Variants in GALNT13 observed in about 807,000 individuals in gnomAD.
GALNT13 encodes polypeptide N-acetylgalactosaminyltransferase 13, also known as UDP-GalNAc:polypeptide N-acetylgalactosaminyltransferase 13.
A neutral mutation model predicts 64.2 loss-of-function variants in GALNT13; 28 were observed. That is an observed-to-expected ratio of 0.44 (90% confidence interval 0.32 to 0.60). GALNT13 has a LOEUF of 0.60. Among genes scored for constraint, GALNT13 ranks in the 20% least tolerant of loss-of-function variants. The pLI, the probability that GALNT13 is intolerant of heterozygous loss-of-function variation, is 0.05. For synonymous variants in GALNT13, 214 were observed against 224.6 expected, an observed-to-expected ratio of 0.95 and a Z score of 0.42; for missense variants, 577 against 669.8, an observed-to-expected ratio of 0.86 and a Z score of 1.53.
At chr2:153,346,890 G>A in the GALNT13 span, among the ~76,000 whole-genome samples, 1 of 152,134 alleles carries the variant, frequency 6.6e-6, no homozygotes, top group Non-Finnish European at 1.5e-5. Context: ...AGGGAACTGA[G>A]GCTTATAAAT....
intron 3 of GALNT13, among the ~76,000 whole-genome samples, chr2:153,948,140 C>T (rs1691905284): frequency 6.6e-6 from 1 of 151,664 alleles, no homozygotes. Context: ...GTTCTTTTTG[C>T]TTAGGATTGC....
At chr2:153,551,767 G>C in the GALNT13 span, among the ~76,000 whole-genome samples, 1 of 152,208 alleles carries the variant, frequency 6.6e-6, no homozygotes, top group South Asian at 2.1e-4. Flanking sequence ...CTATGTCAGA[G>C]CATAGATGTT....
the GALNT13 span, among the ~76,000 whole-genome samples, chr2:153,712,594 A>T: frequency 6.6e-6 from 1 of 152,154 alleles, no homozygotes; most frequent in Non-Finnish European, 1.5e-5. Context: ...TTGCCTGGTG[A>T]TCTGTGTTAA....
intron 12 of GALNT13, chr2:154,445,897 A>G (rs1190890112): frequency 1.2e-6 from 1 of 864,368 alleles, no homozygotes; most frequent in East Asian, 6.2e-5. Flanking sequence ...TATGGAGGAA[A>G]TAGATGGAGA....
chr2:154,145,475 T>C (rs553782561), intron 4 of GALNT13, among the ~76,000 whole-genome samples: 1 of 152,080 alleles, frequency 6.6e-6, no homozygotes, highest in African/African-American at 2.4e-5. Context: ...CCTTTAGCAT[T>C]TACTTGAATT....
chr2:153,719,184 G>A, the GALNT13 span, among the ~76,000 whole-genome samples: 1 of 152,128 alleles, frequency 6.6e-6, no homozygotes, highest in Non-Finnish European at 1.5e-5. Flanking sequence ...AGCTGAGGAT[G>A]TGTAGCTTGG....
chr2:153,528,487 C>A, the GALNT13 span, among the ~76,000 whole-genome samples: 52,013 of 151,662 alleles, frequency 0.34, 9,932 homozygotes, highest in East Asian at 0.75. Context: ...AAGACTTCAA[C>A]ACCCTACTTT....
intron 9 of GALNT13, among the ~76,000 whole-genome samples, chr2:154,353,640 T>A (rs1468234329): frequency 6.6e-6 from 1 of 152,212 alleles, no homozygotes; most frequent in Non-Finnish European, 1.5e-5. Context: ...TATTTTAATT[T>A]CACATGTAAT....
At chr2:153,426,517 C>T in the GALNT13 span, among the ~76,000 whole-genome samples, 412 of 152,004 alleles carry the variant, frequency 2.7e-3, 2 homozygotes, top group Non-Finnish European at 3.4e-3. Context: ...TTCATCTTTA[C>T]GGTCTCAAGA....
chr2:154,392,543 A>G (rs1052140453), intron 9 of GALNT13, among the ~76,000 whole-genome samples: 3 of 152,218 alleles, frequency 2.0e-5, no homozygotes, highest in Non-Finnish European at 4.4e-5. Flanking sequence ...CAGGAGGGCC[A>G]TTCTTTCATG....
the GALNT13 span, among the ~76,000 whole-genome samples, chr2:153,800,045 G>GCT: frequency 0.021 from 2,529 of 118,980 alleles, 64 homozygotes; most frequent in East Asian, 0.077. Context: ...CATTTAGTTT[G>GCT]CTCTCTCTCT....
chr2:154,048,728 G>C (rs1417323119), intron 3 of GALNT13, among the ~76,000 whole-genome samples: 1 of 151,932 alleles, frequency 6.6e-6, no homozygotes, highest in African/African-American at 2.4e-5. Context: ...CCACTTATTA[G>C]AGATAACTCA....
At chr2:153,347,923 T>TA in the GALNT13 span, among the ~76,000 whole-genome samples, 2 of 152,192 alleles carry the variant, frequency 1.3e-5, no homozygotes, top group African/African-American at 4.8e-5. Flanking sequence ...TTTATTGCTT[T>TA]AAAAAAGGTT....
intron 9 of GALNT13, among the ~76,000 whole-genome samples, chr2:154,330,813 A>C (rs1695128190): frequency 6.6e-6 from 1 of 152,262 alleles, no homozygotes; most frequent in South Asian, 2.1e-4. Flanking sequence ...TAACAAAATG[A>C]ATAATGTTCT....
rs1050202414 is a variant in GALNT13 at position 154,371,734 on chromosome 2, G to A, written c.1157-24257G>A. Among the ~76,000 whole-genome samples, 3 of 146,292 alleles carry A rather than the reference G, an allele frequency of 2.1e-5. No individual in the cohort carries two copies. In the East Asian group the frequency reaches 6.2e-4, roughly 30 times the overall value. ...GCACCTATACTCTGATCCTGAGTAG[G>A]GAAAGGTAGAAAACAAGGCCTTAAG... On this transcript the variant is annotated intron_variant, in intron 9 of 12. Coordinates refer to ENST00000392825, the MANE Select transcript of GALNT13 (RefSeq NM_052917.4).
chr2:154,280,940 C>T (rs1195740786), intron 8 of GALNT13, among the ~76,000 whole-genome samples: 3 of 152,114 alleles, frequency 2.0e-5, no homozygotes, highest in Admixed American at 6.6e-5. Context: ...ATTTTTTTCA[C>T]AGTTGAGAGT....
At chr2:154,441,618 G>C (rs1181345829) in intron 12 of GALNT13, 9 of 152,076 alleles carry the variant, frequency 5.9e-5, no homozygotes, top group Admixed American at 5.9e-4. Flanking sequence ...CTAGCTATCA[G>C]TACAATTGTG....
At chr2:153,506,537 G>GT in the GALNT13 span, among the ~76,000 whole-genome samples, 9 of 152,260 alleles carry the variant, frequency 5.9e-5, no homozygotes, top group Non-Finnish European at 8.8e-5. Flanking sequence ...TGGCTTAGTA[G>GT]TGATGAATTC....
chr2:153,796,516 A>G, the GALNT13 span, among the ~76,000 whole-genome samples: 1 of 152,362 alleles, frequency 6.6e-6, no homozygotes, highest in Non-Finnish European at 1.5e-5. Context: ...GCCATGGTAA[A>G]TCATCTTTTA....
Sources: allele counts gnomAD v4.1 joint callset (sites outside exome capture counted in the v4.1 genomes callset), GRCh38; gene constraint gnomAD v4.1.1; transcripts MANE v1.5; gene names NCBI Gene and HGNC (gene_info 2026-07-23, HGNC 2026-07-21).